The following ZNF600 variants were observed in gnomAD, a reference collection of about 807,000 sequenced individuals.
ZNF600 encodes zinc finger protein KR-ZNF1.
ZNF600 carries 4 observed loss-of-function variants against 7.3 expected under a neutral mutation model. That is an observed-to-expected ratio of 0.55 (90% CI 0.27 to 1.25). The LOEUF is 1.25. ZNF600 is among the 50% of genes most tolerant of loss of function. The pLI is 0.12. For synonymous variants in ZNF600, 290 were observed against 308.9 expected, an observed-to-expected ratio of 0.94 and a Z score of 0.64; for missense variants, 911 against 922.1, an observed-to-expected ratio of 0.99 and a Z score of 0.16.
chr19:52,772,681 C>T (rs1568628598), intron 3 of ZNF600, among the ~76,000 whole-genome samples: 1 of 152,120 alleles, frequency 6.6e-6, no homozygotes, highest in East Asian at 1.9e-4. Context: ...AAAGCAGGCC[C>T]GCGGTGTTCA....
At chr19:52,776,852 C>A (rs1214062506) in intron 2 of ZNF600, among the ~76,000 whole-genome samples, 4 of 152,110 alleles carry the variant, frequency 2.6e-5, no homozygotes, top group African/African-American at 4.8e-5. Context: ...CACGGCGTTA[C>A]CCACGTGGTG....
chr19:52,794,753 G>A, the ZNF600 span, among the ~76,000 whole-genome samples: 26 of 152,182 alleles, frequency 1.7e-4, 1 homozygote, highest in African/African-American at 6.3e-4. Context: ...TATTTGGGAG[G>A]CGGACTGGGG....
chr19:52,798,424 A>G, the ZNF600 span: 129,219 of 418,992 alleles, frequency 0.31, 22,161 homozygotes, highest in East Asian at 0.74. Context: ...TTGCTATACT[A>G]ATGGCATTTG....
chr19:52,779,020 C>T (rs1333492755), intron 1 of ZNF600, 113 bp from the exon 4 acceptor site: 4 of 921,810 alleles, frequency 4.3e-6, no homozygotes, highest in Non-Finnish European at 6.3e-6. Flanking sequence ...CCCCACCGCC[C>T]ACTGCACCAG....
the ZNF600 span, chr19:52,809,825 C>CAGCGGT: frequency 1.9e-6 from 1 of 529,916 alleles, no homozygotes; most frequent in Non-Finnish European, 3.3e-6. Flanking sequence ...GCGGCGAAGG[C>CAGCGGT]GGCGGCGGCG....
the ZNF600 span, among the ~76,000 whole-genome samples, chr19:52,809,449 GAAGAA>G: frequency 1.1e-3 from 161 of 152,182 alleles, no homozygotes; most frequent in African/African-American, 3.5e-3. Flanking sequence ...GGAACACAAA[GAAGAA>G]AATAGACACT....
At chr19:52,808,251 G>T in the ZNF600 span, 1 of 1,515,268 alleles carries the variant, frequency 6.6e-7, no homozygotes, top group Non-Finnish European at 8.8e-7. Context: ...ACAAATCCGA[G>T]TGACGGATTT....
chr19:52,823,576 C>T, the ZNF600 span, among the ~76,000 whole-genome samples: 2 of 152,132 alleles, frequency 1.3e-5, no homozygotes, highest in Non-Finnish European at 2.9e-5. Context: ...GACCACGTTC[C>T]TCTCAAAGCT....
chr19:52,821,875 C>G, the ZNF600 span, among the ~76,000 whole-genome samples: 2 of 151,508 alleles, frequency 1.3e-5, no homozygotes, highest in African/African-American at 4.9e-5. Flanking sequence ...TGCACACCAG[C>G]CTGGGCAACA....
chr19:52,827,248 AC>A, the ZNF600 span, among the ~76,000 whole-genome samples: 65,879 of 122,712 alleles, frequency 0.54, 17,133 homozygotes, highest in Non-Finnish European at 0.61. Flanking sequence ...GTCTCTAAAA[AC>A]AAAAAAAAAA....
chr19:52,821,858 G>A, the ZNF600 span, among the ~76,000 whole-genome samples: 1 of 151,446 alleles, frequency 6.6e-6, no homozygotes, highest in Non-Finnish European at 1.5e-5. Context: ...GGCCGAGATC[G>A]AGCCACTGCA....
At chr19:52,823,362 C>T in the ZNF600 span, among the ~76,000 whole-genome samples, 2 of 152,002 alleles carry the variant, frequency 1.3e-5, no homozygotes, top group Non-Finnish European at 2.9e-5. Flanking sequence ...TACAGGCACA[C>T]GCCACCATGC....
the ZNF600 span, chr19:52,801,207 T>A: frequency 3.7e-6 from 6 of 1,614,122 alleles, no homozygotes; most frequent in African/African-American, 2.7e-5. Flanking sequence ...TTGGAAAGAT[T>A]TTTCTCTCAT....
chr19:52,831,396 G>A, the ZNF600 span, among the ~76,000 whole-genome samples: 1 of 150,764 alleles, frequency 6.6e-6, no homozygotes, highest in South Asian at 2.1e-4. Context: ...TGCAACCCCT[G>A]CCACCCAGGT....
intron 3 of ZNF600, among the ~76,000 whole-genome samples, chr19:52,769,245 A>G (rs1425293347): frequency 6.6e-6 from 1 of 152,122 alleles, no homozygotes; most frequent in Non-Finnish European, 1.5e-5. Context: ...AGTCAGGCCC[A>G]CCTGCAGTTA....
chr19:52,799,223 A>T, the ZNF600 span: 4 of 397,250 alleles, frequency 1.0e-5, no homozygotes, highest in Admixed American at 1.6e-4. Context: ...TTTGAATTAC[A>T]AGGTATGAAT....
rs1568622679 is a variant in ZNF600, at chr19:52,765,820, C to G, written c.2143G>C (p.Val715Leu). The G allele has an allele frequency of 1.2e-6, 2 of 1,613,882 alleles. No individual in the cohort carries two copies. Among genetic ancestry groups the G allele is most frequent in the Non-Finnish European group, 1.7e-6 (2 of 1,179,838 alleles). Residue 715 changes from valine to leucine, a missense_variant, in exon 4 of 4, where the codon GTT becomes CTT. Val to Leu is a conservative substitution (Grantham distance 32). Transcript: ENST00000648973. ...TTAAGGTGTGATTTGCGACTGAAAACTTTGTCACATGTTTCACATTTGTAA... is the reference window on the plus strand; with the variant it reads ...TTAAGGTGTGATTTGCGACTGAAAAGTTTGTCACATGTTTCACATTTGTAA...
the ZNF600 span, chr19:52,810,768 TAAAAAAAAA>T: frequency 2.3e-6 from 1 of 436,522 alleles, no homozygotes; most frequent in African/African-American, 3.3e-5. Context: ...AAAAAAAGAA[TAAAAAAAAA>T]CCCAAAAAAA....
the ZNF600 span, chr19:52,809,792 GA>G: frequency 1.2e-4 from 61 of 500,874 alleles, no homozygotes; most frequent in South Asian, 2.3e-4. Context: ...GTGACAGAGC[GA>G]AAAAAAAGGA....
Sources: gnomAD v4.1 joint callset for allele counts (sites outside exome capture counted in the v4.1 genomes callset) on GRCh38, gnomAD v4.1.1 for gene constraint, MANE v1.5 for transcripts, NCBI Gene and HGNC (gene_info 2026-07-23, HGNC 2026-07-21) for gene names.